Variants in MTAP observed in about 807,000 individuals in gnomAD.
MTAP encodes methylthioadenosine phosphorylase.
Under a neutral mutation model 33.6 loss-of-function variants are expected in MTAP, and 33 were observed. The ratio of observed to expected loss-of-function variants is 0.98; its 90% CI spans 0.74 to 1.31. MTAP has a LOEUF of 1.31. Ranked by LOEUF, MTAP falls within the 40% of genes most tolerant of loss-of-function variation. MTAP has a pLI of 0.00. For synonymous variants in MTAP, 148 were observed against 125.7 expected (o/e 1.18, Z -1.19); for missense variants, 367 against 360.0 (o/e 1.02, Z -0.16).
chr9:21,840,693 C>T (rs1045961335), intron 5 of MTAP, among the ~76,000 whole-genome samples: 2 of 152,112 alleles, frequency 1.3e-5, no homozygotes, highest in African/African-American at 2.4e-5. Context: ...GATGGCAGGG[C>T]GAAGGAAGCT....
At chr9:21,932,504 A>C (rs1818978480), downstream of MTAP, 3 of 152,224 alleles carry the variant, frequency 2.0e-5, no homozygotes, top group Admixed American at 6.6e-5. Context: ...ATGTCTTTTC[A>C]GGTTTTTTTG....
At chr9:21,802,940 G>T (rs1487041945) in intron 1 of MTAP, 159 bp downstream of exon 1, 1 of 1,412,002 alleles carries the variant, frequency 7.1e-7, no homozygotes, top group South Asian at 1.5e-5. Context: ...CACTTGCCGC[G>T]CGAGGAGAGG....
chr9:21,860,145 C>T (rs557440818), intron 7 of MTAP: 1 of 152,232 alleles, frequency 6.6e-6, no homozygotes, highest in Non-Finnish European at 1.5e-5. Context: ...TCTAAGCCCT[C>T]CTTACCTGAA....
chr9:21,855,014 T>C lies in MTAP; in HGVS notation c.690+144T>C, dbSNP rs117922563. ...GTTGTTAATATTTTCTGTAGTTCCA[T>C]TGGAAGGTAAGAACAAAGATCAAAG... On this transcript the variant is annotated intron_variant, in intron 6 of 7. Transcript: ENST00000644715. The C allele has an allele frequency of 4.8e-3, 5,512 of 1,149,338 alleles. 105 individuals are homozygous for C. In the East Asian group the frequency reaches 0.053, roughly 11 times the overall value. 71.2% of individuals were successfully genotyped at this position (1,149,338 alleles called of 1,614,324 possible).
intron 1 of MTAP, among the ~76,000 whole-genome samples, chr9:21,915,063 TCTTTCTTTCTTTCTTTCTTTC>T (rs1416599776): frequency 1.3e-4 from 11 of 83,916 alleles, no homozygotes; most frequent in Non-Finnish European, 1.9e-4. Flanking sequence ...TTCCTTTCTT[TCTTTCTTTCTTTCTTTCTTTC>T]CTTTCTTTCT....
chr9:21,877,949 C>A (rs1280384290), intron 1 of MTAP, among the ~76,000 whole-genome samples: 2 of 152,098 alleles, frequency 1.3e-5, no homozygotes, highest in African/African-American at 2.4e-5. Flanking sequence ...CTTTTACTTA[C>A]ACATCAGGTA....
At chr9:21,819,503 G>C (rs1402891861) in intron 4 of MTAP, among the ~76,000 whole-genome samples, 1 of 152,170 alleles carries the variant, frequency 6.6e-6, no homozygotes, top group East Asian at 1.9e-4. Context: ...GTATTCCATG[G>C]TGTATATGTG....
At chr9:21,896,533 A>G (rs1818295925) in intron 1 of MTAP, among the ~76,000 whole-genome samples, 1 of 152,214 alleles carries the variant, frequency 6.6e-6, no homozygotes, top group Non-Finnish European at 1.5e-5. Context: ...AATTAGATGC[A>G]ATAAAAAATG....
chr9:21,905,915 G>T (rs1818469522), intron 1 of MTAP, among the ~76,000 whole-genome samples: 1 of 152,182 alleles, frequency 6.6e-6, no homozygotes, highest in Non-Finnish European at 1.5e-5. Flanking sequence ...TGGGTGGGGA[G>T]AAATATTTTG....
intron 4 of MTAP, among the ~76,000 whole-genome samples, chr9:21,830,974 A>G (rs1824952394): frequency 6.6e-6 from 1 of 151,910 alleles, no homozygotes; most frequent in Non-Finnish European, 1.5e-5. Context: ...TTGCCATTGG[A>G]GCAAAGCAAG....
chr9:21,828,412 G>A (rs1824877107), intron 4 of MTAP, among the ~76,000 whole-genome samples: 2 of 152,150 alleles, frequency 1.3e-5, no homozygotes, highest in African/African-American at 2.4e-5. Flanking sequence ...AGTGGCTCAC[G>A]CCTGTAATCC....
intron 4 of MTAP, among the ~76,000 whole-genome samples, chr9:21,818,560 C>G (rs1420774762): frequency 1.3e-5 from 2 of 151,992 alleles, no homozygotes; most frequent in Non-Finnish European, 2.9e-5. Context: ...ATCAGGAGAT[C>G]ACCCGCCTCC....
At chr9:21,923,519 T>C (rs1264263150) in intron 1 of MTAP, among the ~76,000 whole-genome samples, 1 of 152,346 alleles carries the variant, frequency 6.6e-6, no homozygotes, top group Admixed American at 6.5e-5. Flanking sequence ...GGCTGCTGTT[T>C]ATGTGAGCAT....
chr9:21,925,428 A>G (rs1818853460), intron 1 of MTAP, among the ~76,000 whole-genome samples: 1 of 152,188 alleles, frequency 6.6e-6, no homozygotes, highest in Admixed American at 6.5e-5. Context: ...TCTGTCTTTT[A>G]CAACCAGGAC....
chr9:21,829,628 A>AG lies in MTAP; in HGVS notation c.348-8279dup, dbSNP rs796928940. 1.0e-3 allele frequency among the ~76,000 whole-genome samples: 147 copies of AG among 146,936 alleles called. 1 individual carries two copies. Among genetic ancestry groups the AG allele is most frequent in the African/African-American group, 3.9e-3 (145 of 36,724 alleles). ...CGTAAGTTTGTCAGCACGTTGTCTC[A>AG]GAAAAAAAAAAAAATCCTCATCCTA... On this transcript the variant is annotated intron_variant, in intron 4 of 7. Coordinates refer to ENST00000644715, the MANE Select transcript of MTAP (RefSeq NM_002451.4).
At chr9:21,930,840 C>A (rs1022468659) in intron 1 of MTAP, 1 of 667,828 alleles carries the variant, frequency 1.5e-6, no homozygotes, top group Non-Finnish European at 2.6e-6. Flanking sequence ...CTCCAGCTTA[C>A]AAGAACAAGC....
chr9:21,921,779 T>C (rs1818791347), intron 1 of MTAP, among the ~76,000 whole-genome samples: 1 of 152,152 alleles, frequency 6.6e-6, no homozygotes, highest in Non-Finnish European at 1.5e-5. Context: ...GAGACCAGCC[T>C]GGACAACATA....
intron 1 of MTAP, among the ~76,000 whole-genome samples, chr9:21,890,147 T>G (rs571523414): frequency 1.1e-4 from 16 of 152,120 alleles, no homozygotes; most frequent in Admixed American, 8.5e-4. Flanking sequence ...GGTATGGTTC[T>G]TAAGCCGATG....
chr9:21,915,036 CT>C (rs1818657865), intron 1 of MTAP, among the ~76,000 whole-genome samples: 2 of 104,068 alleles, frequency 1.9e-5, no homozygotes, highest in Non-Finnish European at 3.5e-5. Flanking sequence ...TCCTTCCTTC[CT>C]TCCTTCCTTC....
Sources: allele counts gnomAD v4.1 joint callset (sites outside exome capture counted in the v4.1 genomes callset), GRCh38; gene constraint gnomAD v4.1.1; transcripts MANE v1.5; gene names NCBI Gene and HGNC (gene_info 2026-07-23, HGNC 2026-07-21).